The following POU2F1 variants were observed in gnomAD, a reference collection of about 807,000 sequenced individuals.
The protein encoded by POU2F1 is POU domain, class 2, transcription factor 1.
Under a neutral mutation model 84.9 loss-of-function variants are expected in POU2F1, and 16 were observed. The observed-to-expected ratio is 0.19, with a 90% confidence interval of 0.13 to 0.29. The LOEUF is 0.29. Among genes scored for constraint, POU2F1 ranks in the 10% least tolerant of loss-of-function variants. The pLI is 1.00. For missense variants in POU2F1, 738 were observed against 942.6 expected (o/e 0.78, Z 2.84); for synonymous variants, 368 against 368.3 (o/e 1.00, Z 0.01).
rs190422094 is a variant in POU2F1, at chr1:167,228,232, G to A, written c.61+7274G>A. ...TCTATCTGCAGGAAAGCTGTTGGAG[G>A]ATTTTGAAATAGGGACTGATGTGAT... On this transcript the variant is annotated intron_variant, in intron 1 of 15. Transcript: ENST00000367866. 1.2e-4 allele frequency among the ~76,000 whole-genome samples: 18 copies of A among 152,350 alleles called. No individual in the cohort carries two copies. The East Asian group carries it at 2.9e-3, about 24-fold the overall frequency.
chr1:167,237,744 G>GTATATA (rs1649570399), intron 1 of POU2F1, among the ~76,000 whole-genome samples: 1 of 18,518 alleles, frequency 5.4e-5, no homozygotes, highest in Non-Finnish European at 2.1e-4. Context: ...ATATGTGTGT[G>GTATATA]TGTATATATA....
chr1:167,255,657 G>T (rs1651076684), intron 1 of POU2F1, among the ~76,000 whole-genome samples: 1 of 152,114 alleles, frequency 6.6e-6, no homozygotes, highest in East Asian at 1.9e-4. Context: ...ATCCATACAA[G>T]AGCAATTCAG....
At position 167,223,061 on chromosome 1, in the gene POU2F1, A is replaced by T. The variant is rs550336015; in HGVS notation, c.61+2103A>T. On this transcript the variant is annotated intron_variant, in intron 1 of 15. Coordinates refer to ENST00000367866, the MANE Select transcript of POU2F1 (RefSeq NM_002697.4). ...GTGGTGCTACCTTTCTGACATCTTC[A>T]TTCTAATTTAAAATGGAGCTGACGT... 2.9e-3 allele frequency among the ~76,000 whole-genome samples: 447 copies of T among 152,276 alleles called. 3 individuals are homozygous for T. The highest frequency in any genetic ancestry group is 6.2e-3 in the South Asian group (30 of 4,818).
At chr1:167,293,436 C>G (rs1473430565) in intron 1 of POU2F1, among the ~76,000 whole-genome samples, 1 of 152,074 alleles carries the variant, frequency 6.6e-6, no homozygotes, top group African/African-American at 2.4e-5. Flanking sequence ...TGAAAGATCT[C>G]TATAAGGAGA....
intron 1 of POU2F1, among the ~76,000 whole-genome samples, chr1:167,261,248 T>C (rs1312160727): frequency 6.6e-6 from 1 of 152,232 alleles, no homozygotes; most frequent in East Asian, 1.9e-4. Context: ...TTAGGTTTTT[T>C]TAAATGGTCA....
At chr1:167,274,365 T>C (rs544596858) in intron 1 of POU2F1, among the ~76,000 whole-genome samples, 1 of 152,184 alleles carries the variant, frequency 6.6e-6, no homozygotes, top group South Asian at 2.1e-4. Context: ...ATAAAACTAG[T>C]AACAGAAATT....
rs2101746640 is a variant in POU2F1, at chr1:167,338,140, CTTT to C, written c.127+5608_127+5610del. 6.4e-6 allele frequency: 3 copies of C among 466,806 alleles called. No individual in the cohort carries two copies. In the East Asian group the frequency reaches 2.1e-4, roughly 32 times the overall value. 28.9% of individuals were successfully genotyped at this position (466,806 alleles called of 1,614,324 possible). ...CTGCCTCTCCTGCCTCCCCTTCCAG[CTTT>C]TTGTCTTCTGCCATTTCTGAGTCAG... On this transcript the variant is annotated intron_variant, in intron 2 of 15. Transcript: ENST00000367866.
intron 2 of POU2F1, among the ~76,000 whole-genome samples, chr1:167,342,010 C>T (rs1657893600): frequency 1.3e-5 from 2 of 152,198 alleles, no homozygotes; most frequent in Admixed American, 1.3e-4. Flanking sequence ...CTCTGCCACA[C>T]CATTCTGCTG....
At position 167,415,618 on chromosome 1, in the gene POU2F1, G is replaced by A; in HGVS notation, c.2109G>A (p.Gln703=). The part of the protein sequence containing the change: ...IVTAPLFLNP[Q]NLSLLTSNPV... The stretch of plus-strand genomic sequence containing the variant: ...CTGCCCCTCTGTTCCTGAACCCTCA[G>A]AACCTCTCTCTGCTCACCAGCAACC... Residue 703 remains glutamine (Q), a synonymous_variant, in exon 16 of 16, where the codon CAG becomes CAA. Coordinates refer to ENST00000367866, the MANE Select transcript of POU2F1 (RefSeq NM_002697.4). The A allele has an allele frequency of 6.2e-7, 1 of 1,614,160 alleles. No homozygotes were observed. The highest frequency in any genetic ancestry group is 8.5e-7 in the Non-Finnish European group (1 of 1,180,034).
chr1:167,401,162 T>A (rs1435754985), intron 12 of POU2F1, among the ~76,000 whole-genome samples: 1 of 152,220 alleles, frequency 6.6e-6, no homozygotes, highest in Admixed American at 6.5e-5. Context: ...CCTGATCCTG[T>A]CAAATAGTTT....
chr1:167,271,583 C>G (rs1313208925), intron 1 of POU2F1, among the ~76,000 whole-genome samples: 2 of 152,096 alleles, frequency 1.3e-5, no homozygotes, highest in Non-Finnish European at 2.9e-5. Context: ...TATTTTCTGA[C>G]ATGAGTAGAT....
chr1:167,405,581 G>A (rs116154157), intron 13 of POU2F1, among the ~76,000 whole-genome samples: 148 of 152,026 alleles, frequency 9.7e-4, no homozygotes, highest in African/African-American at 3.5e-3. Context: ...CTAGCTGCTC[G>A]GGAGGCTGAG....
chr1:167,414,328 C>A (rs1299726269), intron 15 of POU2F1: 3 of 985,046 alleles, frequency 3.0e-6, no homozygotes, highest in East Asian at 2.3e-4. Flanking sequence ...AAATGTCTTC[C>A]CTAGGGCATG....
intron 9 of POU2F1, 103 bp downstream of exon 9, chr1:167,389,864 A>G: frequency 7.5e-7 from 1 of 1,336,282 alleles, no homozygotes; most frequent in Non-Finnish European, 1.0e-6. Context: ...CAACTAGTCC[A>G]AAATATTTGG....
intron 13 of POU2F1, among the ~76,000 whole-genome samples, chr1:167,411,380 GAGATT>G: frequency 6.6e-6 from 1 of 151,478 alleles, no homozygotes; most frequent in African/African-American, 2.4e-5. Context: ...ATGCTTTTAT[GAGATT>G]CATAGTATCA....
rs778007134 is a variant in POU2F1, at chr1:167,399,342, A to G, written c.1426A>G (p.Ile476Val). ...GGTSSSPIKA[I>V]FPSPTSLVAT... ...GACCAGCAGCTCACCTATTAAAGCA[A>G]TTTTCCCCAGCCCAACTTCACTGGT... Residue 476 changes from isoleucine to valine, a missense_variant, in exon 12 of 16, where the codon ATT becomes GTT. This residue lies in a region of POU2F1 where 319 missense variants were observed against 386.0 expected (regional missense o/e 0.83). Transcript: ENST00000367866. 6.2e-6 allele frequency: 10 copies of G among 1,612,978 alleles called. No homozygotes were observed. Among genetic ancestry groups the G allele is most frequent in the Admixed American group, 5.0e-5 (3 of 59,810 alleles).
At chr1:167,295,279 G>C (rs1282281822) in intron 1 of POU2F1, among the ~76,000 whole-genome samples, 1 of 152,130 alleles carries the variant, frequency 6.6e-6, no homozygotes, top group East Asian at 1.9e-4. Flanking sequence ...GAACCAACCT[G>C]AGTGTCCATT....
Position 167,415,558 on chromosome 1 carries a change from A to G in POU2F1, c.2049A>G (p.Val683=). Residue 683 remains valine, a synonymous_variant, in exon 16 of 16, where the codon GTA becomes GTG. Coordinates refer to ENST00000367866, the MANE Select transcript of POU2F1 (RefSeq NM_002697.4). Reference sequence around the variant, plus strand: ...CACTTGATGCAACTGGGAACCTGGTATTTGCCAATGCGGGAGGAGCCCCCA... The same window carrying G: ...CACTTGATGCAACTGGGAACCTGGTGTTTGCCAATGCGGGAGGAGCCCCCA... ...ITSLDATGNL[V]FANAGGAPNI... 1.2e-6 allele frequency: 2 copies of G among 1,614,108 alleles called. No homozygotes were observed. The highest frequency in any genetic ancestry group is 1.7e-6 in the Non-Finnish European group (2 of 1,180,014).
At chr1:167,390,507 G>C (rs1326738163) in intron 9 of POU2F1, among the ~76,000 whole-genome samples, 2 of 152,162 alleles carry the variant, frequency 1.3e-5, no homozygotes, top group Non-Finnish European at 2.9e-5. Context: ...TTTTTGTAGT[G>C]GGGGCAGTAG....
Sources: allele counts gnomAD v4.1 joint callset (sites outside exome capture counted in the v4.1 genomes callset), GRCh38; gene constraint gnomAD v4.1.1; regional missense constraint gnomAD v4.1.1; transcripts MANE v1.5; gene names NCBI Gene and HGNC (gene_info 2026-07-23, HGNC 2026-07-21).